The following DNAH9 variants were observed in gnomAD, a reference collection of about 807,000 sequenced individuals.
DNAH9 encodes dynein axonemal heavy chain 9, also known as DNAH9 variant protein.
A neutral mutation model predicts 471.6 loss-of-function variants in DNAH9; 345 were observed. That is an observed-to-expected ratio of 0.73 (90% CI 0.67 to 0.80). The LOEUF is 0.80. DNAH9 is among the 30% of genes least tolerant of loss of function. DNAH9 has a pLI of 0.00. For synonymous variants in DNAH9, 2,093 were observed against 2,123.6 expected, an observed-to-expected ratio of 0.99 and a Z score of 0.40; for missense variants, 5,407 against 5,609.2, an observed-to-expected ratio of 0.96 and a Z score of 1.15.
rs373753549 is a variant in DNAH9 at position 11,744,967 on chromosome 17, C to G, written c.6282C>G (p.Ile2094Met). ...ACATGCCCATCTTCATGGGCCTGAT[C>G]GGGGACCTCTTTCCCGCCCTGGATG... Reference protein sequence around the residue: ...TDDMPIFMGLIGDLFPALDVP... With the variant: ...TDDMPIFMGLMGDLFPALDVP... The change falls in exon 31 of 69, where the codon ATC becomes ATG. Residue 2094 changes from isoleucine to methionine, a missense_variant. By Grantham distance (10) the Ile-to-Met change is conservative (BLOSUM62 1). Transcript: ENST00000262442. 6.2e-7 allele frequency: 1 copy of G among 1,614,020 alleles called. No individual in the cohort carries two copies. The highest frequency in any genetic ancestry group is 8.5e-7 in the Non-Finnish European group (1 of 1,180,020).
chr17:11,891,738 G>A, intron 57 of DNAH9, 39 bp from the exon 58 acceptor site: 2 of 1,603,322 alleles, frequency 1.2e-6, no homozygotes, highest in Non-Finnish European at 1.7e-6. Context: ...ATAGTAAGAG[G>A]GCTGTGTACC....
At chr17:11,763,734 A>C in intron 36 of DNAH9, 120 bp downstream of exon 36, 1 of 972,922 alleles carries the variant, frequency 1.0e-6, no homozygotes, top group South Asian at 1.6e-5. Flanking sequence ...AAAGCAGCAA[A>C]CTATTTAGTC....
intron 49 of DNAH9, among the ~76,000 whole-genome samples, chr17:11,851,123 T>TGTA (rs1971408335): frequency 6.6e-6 from 1 of 151,706 alleles, no homozygotes; most frequent in Non-Finnish European, 1.5e-5. Context: ...TTGTTGTTGT[T>TGTA]GTTTGAGATG....
intron 28 of DNAH9, among the ~76,000 whole-genome samples, chr17:11,729,217 C>T (rs2075214321): frequency 6.6e-6 from 1 of 152,086 alleles, no homozygotes; most frequent in South Asian, 2.1e-4. Context: ...AGGCTCCATT[C>T]CCCCCAGGAA....
intron 19 of DNAH9, among the ~76,000 whole-genome samples, chr17:11,687,897 A>AG (rs1056357639): frequency 2.0e-5 from 3 of 151,788 alleles, no homozygotes; most frequent in Non-Finnish European, 1.5e-5. Flanking sequence ...GCACTTTGGG[A>AG]GGCTGAGGCA....
intron 1 of DNAH9, among the ~76,000 whole-genome samples, chr17:11,601,619 T>TC (rs1266889870): frequency 6.6e-6 from 1 of 152,208 alleles, no homozygotes; most frequent in Non-Finnish European, 1.5e-5. Flanking sequence ...CCACTTTCTG[T>TC]CCATCCATCT....
rs771490376 is a variant in DNAH9 at position 11,881,336 on chromosome 17, G to A, written c.10729G>A (p.Val3577Met). 3.7e-5 allele frequency: 59 copies of A among 1,614,006 alleles called. No individual in the cohort carries two copies. The Admixed American group carries it at 5.5e-4, about 15-fold the overall frequency. ...QAQATLINFT[V>M]TRDGLEDQLL... ...TCAGGCCACCCTGATCAACTTCACC[G>A]TGACCAGGGATGGCCTGGAGGACCA... is the stretch of plus-strand genomic sequence containing the variant. Residue 3577 changes from valine (V) to methionine (M), a missense_variant, in exon 55 of 69, where the codon GTG (valine) becomes ATG (methionine). Coordinates refer to ENST00000262442, the MANE Select transcript of DNAH9 (RefSeq NM_001372.4).
chr17:11,680,582 T>A, intron 18 of DNAH9, 141 bp from the exon 19 acceptor site: 3 of 666,188 alleles, frequency 4.5e-6, no homozygotes, highest in Non-Finnish European at 7.6e-6. Flanking sequence ...GGGCAGATTG[T>A]AGGGAATGGG....
rs1207589462 is a variant in DNAH9, at chr17:11,937,624, C to T, written c.12660+102C>T. ...CCATTTTGGCAGTACACAGCATAGA[C>T]AACACACAAAGCACCAACCACCTGC... On this transcript the variant is annotated intron_variant, in intron 66 of 68. Coordinates refer to ENST00000262442, the MANE Select transcript of DNAH9 (RefSeq NM_001372.4). The surrounding 1 kb of genome is among the most constrained non-coding windows in gnomAD (Gnocchi z 4.1). 7.5e-7 allele frequency: 1 copy of T among 1,327,388 alleles called. No homozygotes were observed. Among genetic ancestry groups the T allele is most frequent in the Non-Finnish European group, 1.0e-6 (1 of 1,003,074 alleles). The allele number at this position is 1,327,388 out of a possible 1,614,324, so 82.2% of individuals were successfully genotyped here. A position where few individuals can be genotyped will look rare whatever the true frequency, so the allele number is the denominator to read the frequency against.
At chr17:11,902,637 A>G in intron 59 of DNAH9, 82 bp from the exon 60 acceptor site, 1 of 1,258,696 alleles carries the variant, frequency 7.9e-7, no homozygotes, top group Non-Finnish European at 1.1e-6. Context: ...AGATAAGACC[A>G]TCTGGCCCCT....
intron 17 of DNAH9, 48 bp downstream of exon 17, chr17:11,669,842 A>C: frequency 6.7e-7 from 1 of 1,486,150 alleles, no homozygotes; most frequent in East Asian, 2.3e-5. Context: ...GCTGTGAGGA[A>C]CACCATGTTT....
Position 11,875,158 on chromosome 17 carries a change from C to T in DNAH9, c.10452C>T (p.Leu3484=). 6.2e-7 allele frequency: 1 copy of T among 1,613,996 alleles called. No individual in the cohort carries two copies. ...KWIKNKYGED[L]RVTQIGQKGY... ...TCAAGAATAAATATGGTGAAGATCTCCGGGTCACGCAGATTGGTCAGAAAG... is the reference window on the plus strand; with the variant it reads ...TCAAGAATAAATATGGTGAAGATCTTCGGGTCACGCAGATTGGTCAGAAAG... Residue 3484 remains leucine (L), a synonymous_variant, in exon 53 of 69, where the codon CTC becomes CTT. Transcript: ENST00000262442.
intron 19 of DNAH9, among the ~76,000 whole-genome samples, chr17:11,684,107 T>A (rs1232402178): frequency 6.6e-6 from 1 of 152,236 alleles, no homozygotes; most frequent in African/African-American, 2.4e-5. Context: ...TGAGTTTAAT[T>A]CTGGTTTCTT....
At chr17:11,688,106 A>T (rs1436823236) in intron 19 of DNAH9, among the ~76,000 whole-genome samples, 1 of 148,532 alleles carries the variant, frequency 6.7e-6, no homozygotes, top group Non-Finnish European at 1.5e-5. Flanking sequence ...AAAAAGAAAA[A>T]GCCATCTGCC....
intron 12 of DNAH9, among the ~76,000 whole-genome samples, chr17:11,649,990 G>A (rs1215305948): frequency 6.6e-6 from 1 of 152,140 alleles, no homozygotes; most frequent in Non-Finnish European, 1.5e-5. Context: ...AAGTTTTTAT[G>A]TTTTGTGGTT....
In DNAH9 at chr17:11,644,623, A is replaced by G; in HGVS notation, c.1902-8A>G. ...TTCTGTGTCACTTTTTCTCTTTTGTACGAGTAGTTGCATGGAATCTGCAGA... is the reference window on the plus strand; with the variant it reads ...TTCTGTGTCACTTTTTCTCTTTTGTGCGAGTAGTTGCATGGAATCTGCAGA... On this transcript the variant is annotated splice_region_variant and splice_polypyrimidine_tract_variant and intron_variant, in intron 10 of 68. Coordinates refer to ENST00000262442, the MANE Select transcript of DNAH9 (RefSeq NM_001372.4). The G allele has an allele frequency of 6.3e-7, 1 of 1,598,478 alleles. No individual in the cohort carries two copies. The highest frequency in any genetic ancestry group is 1.3e-5 in the African/African-American group (1 of 74,624).
At position 11,608,183 on chromosome 17, in the gene DNAH9, A is replaced by G. The variant is rs773904740; in HGVS notation, c.472A>G (p.Ile158Val). The change falls in exon 2 of 69, where the codon ATA (isoleucine) becomes GTA (valine). Residue 158 changes from isoleucine (I) to valine (V), a missense_variant. Around this residue, in one of 3 missense-constraint regions of DNAH9, gnomAD observed 767 missense variants for 692.5 expected, o/e 1.11. Transcript: ENST00000262442. ...EKNRLNWPHM[I>V]CEDVRRHAHS... ...GAATCGCCTAAACTGGCCCCACATGATATGTGAGGATGTCAGGCGGCACGC... is the reference window on the plus strand; with the variant it reads ...GAATCGCCTAAACTGGCCCCACATGGTATGTGAGGATGTCAGGCGGCACGC... The G allele has an allele frequency of 6.2e-7, 1 of 1,613,600 alleles. No homozygotes were observed. The highest frequency in any genetic ancestry group is 8.5e-7 in the Non-Finnish European group (1 of 1,179,602).
chr17:11,809,794 A>G (rs1035485312), intron 44 of DNAH9, among the ~76,000 whole-genome samples: 6 of 151,984 alleles, frequency 3.9e-5, no homozygotes, highest in African/African-American at 7.2e-5. Flanking sequence ...AGTCTTCCAT[A>G]TAAGTATGTA....
At chr17:11,700,555 G>T (rs1390607240) in intron 23 of DNAH9, among the ~76,000 whole-genome samples, 2 of 152,132 alleles carry the variant, frequency 1.3e-5, no homozygotes, top group African/African-American at 4.8e-5. Flanking sequence ...TGCCCCTGGG[G>T]ATTCTCATCT....
Sources: allele counts gnomAD v4.1 joint callset (sites outside exome capture counted in the v4.1 genomes callset), GRCh38; gene constraint gnomAD v4.1.1; regional missense constraint gnomAD v4.1.1; non-coding constraint Gnocchi (gnomAD v3.1); transcripts MANE v1.5; gene names NCBI Gene and HGNC (gene_info 2026-07-23, HGNC 2026-07-21).